Variants in SYT17 observed in about 807,000 individuals in gnomAD.
SYT17 encodes synaptotagmin-17.
In SYT17, 22 loss-of-function variants were observed where a neutral mutation model predicts 46.7. That is an observed-to-expected ratio of 0.47 (90% CI 0.34 to 0.67). SYT17 has a LOEUF of 0.67. Ranked by LOEUF, SYT17 falls within the 30% of genes least tolerant of loss-of-function variation. The pLI, the probability that SYT17 is intolerant of heterozygous loss-of-function variation, is 0.01. For missense variants in SYT17, 519 were observed against 612.8 expected (o/e 0.85, Z 1.62); for synonymous variants, 251 against 248.4 (o/e 1.01, Z -0.10).
intron 3 of SYT17, among the ~76,000 whole-genome samples, chr16:19,176,034 A>G (rs1217154955): frequency 6.6e-6 from 1 of 152,194 alleles, no homozygotes; most frequent in Non-Finnish European, 1.5e-5. Flanking sequence ...TACACCCTGC[A>G]TTCCATATAT....
chr16:19,208,938 G>A (rs1230406104), intron 5 of SYT17, among the ~76,000 whole-genome samples: 2 of 122,154 alleles, frequency 1.6e-5, no homozygotes, highest in African/African-American at 6.6e-5. Context: ...TGTCACCCAG[G>A]CTGGAGTGCA....
chr16:19,262,810 G>A (rs1173508835), intron 7 of SYT17, among the ~76,000 whole-genome samples: 1 of 152,152 alleles, frequency 6.6e-6, no homozygotes, highest in African/African-American at 2.4e-5. Flanking sequence ...ATCACAGTTA[G>A]CACAGACAAG....
At chr16:19,198,981 C>T (rs543646640) in intron 5 of SYT17, among the ~76,000 whole-genome samples, 13 of 152,200 alleles carry the variant, frequency 8.5e-5, no homozygotes, top group South Asian at 2.1e-4. Flanking sequence ...TCTGAGTGGT[C>T]GGTGGGTGGG....
chr16:19,244,053 C>G (rs1314508899), intron 7 of SYT17, among the ~76,000 whole-genome samples: 1 of 152,108 alleles, frequency 6.6e-6, no homozygotes, highest in Non-Finnish European at 1.5e-5. Context: ...TTAGTGGTAG[C>G]TCTTATAATA....
intron 3 of SYT17, among the ~76,000 whole-genome samples, chr16:19,174,052 G>A (rs1261136364): frequency 1.3e-5 from 2 of 152,156 alleles, no homozygotes; most frequent in South Asian, 2.1e-4. Flanking sequence ...ATGGGTAGAC[G>A]GAATGAACAA....
intron 7 of SYT17, among the ~76,000 whole-genome samples, chr16:19,240,941 CTTTTTTTTTTTTTTT>C (rs970503158): frequency 6.1e-5 from 6 of 98,788 alleles, no homozygotes; most frequent in Non-Finnish European, 9.9e-5. Flanking sequence ...AGGCTCAGTT[CTTTTTTTTTTTTTTT>C]TTTTTTTTTG....
chr16:19,194,271 A>G (rs772993654), intron 5 of SYT17, among the ~76,000 whole-genome samples: 1 of 152,134 alleles, frequency 6.6e-6, no homozygotes, highest in South Asian at 2.1e-4. Context: ...AAGAAAATCT[A>G]TAGCTGTCTC....
At position 19,172,635 on chromosome 16, in the gene SYT17, C is replaced by CTTTTT; in HGVS notation, c.16-115_16-111dup. 4.9e-6 allele frequency: 7 copies of CTTTTT among 1,440,226 alleles called. No individual in the cohort carries two copies. The South Asian group carries it at 9.5e-5, about 19-fold the overall frequency. The allele number at this position is 1,440,226 out of a possible 1,614,324, so 89.2% of individuals were successfully genotyped here. A position where few individuals can be genotyped will look rare whatever the true frequency, so the allele number is the denominator to read the frequency against. ...GGATGGTAAGTGGAAATATGCAGGG[C>CTTTTT]TTTTTTTTTTTTTTGTAAAATTTTT... On this transcript the variant is annotated intron_variant, in intron 1 of 7. Coordinates refer to ENST00000355377, the MANE Select transcript of SYT17 (RefSeq NM_016524.4).
intron 7 of SYT17, among the ~76,000 whole-genome samples, chr16:19,227,656 C>T (rs1966544830): frequency 6.6e-6 from 1 of 152,176 alleles, no homozygotes; most frequent in Non-Finnish European, 1.5e-5. Flanking sequence ...CCAGTTCCTT[C>T]TCCCTGAAGT....
chr16:19,173,667 G>T, intron 3 of SYT17, 89 bp downstream of exon 3: 1 of 1,437,852 alleles, frequency 7.0e-7, no homozygotes, highest in East Asian at 2.4e-5. Flanking sequence ...TGGGCCACGG[G>T]AGGGAGGATT....
intron 7 of SYT17, among the ~76,000 whole-genome samples, chr16:19,245,577 G>C (rs963860907): frequency 2.6e-4 from 40 of 152,180 alleles, no homozygotes; most frequent in African/African-American, 9.2e-4. Context: ...ATCATTCCCA[G>C]TGGCTTCTCT....
intron 3 of SYT17, among the ~76,000 whole-genome samples, chr16:19,177,964 A>G (rs1964381616): frequency 6.6e-6 from 1 of 152,218 alleles, no homozygotes; most frequent in African/African-American, 2.4e-5. Context: ...TTACTGGCTT[A>G]GCTGGGGTTC....
Position 19,184,019 on chromosome 16 carries a change from C to T in SYT17, c.823C>T (p.Leu275Phe). 6.2e-7 allele frequency: 1 copy of T among 1,614,142 alleles called. No homozygotes were observed. Among genetic ancestry groups the T allele is most frequent in the South Asian group, 1.1e-5 (1 of 91,076 alleles). Residue 275 changes from leucine (L) to phenylalanine (F), a missense_variant, in exon 5 of 8, where the codon CTC becomes TTC. Physicochemically the swap from Leu to Phe is conservative, Grantham distance 22. Coordinates refer to ENST00000355377, the MANE Select transcript of SYT17 (RefSeq NM_016524.4). ...CCTGGAGGCCCAGAGGAGGACCCTG[C>T]TCCTGACCGTGGTGGATTTTGATAA... ...PFLEAQRRTL[L>F]LTVVDFDKFS...
chr16:19,255,862 G>C (rs748608725), intron 7 of SYT17, among the ~76,000 whole-genome samples: 5 of 152,156 alleles, frequency 3.3e-5, no homozygotes, highest in Non-Finnish European at 7.4e-5. Context: ...TGCTGTAAAT[G>C]GGAGGAGGCA....
At chr16:19,250,359 T>TTGTGTGTGTGTGTGTGTGTGTGTGTG (rs55818940) in intron 7 of SYT17, among the ~76,000 whole-genome samples, 7 of 132,468 alleles carry the variant, frequency 5.3e-5, no homozygotes, top group African/African-American at 1.7e-4. Flanking sequence ...TCAAACATGT[T>TTGTGTGTGTGTGTGTGTGTGTGTGTG]TGTGTGTGTG....
chr16:19,234,514 T>C (rs1596995025), intron 7 of SYT17, among the ~76,000 whole-genome samples: 1 of 152,206 alleles, frequency 6.6e-6, no homozygotes, highest in Non-Finnish European at 1.5e-5. Context: ...TATAAAAAGC[T>C]TTAGAAAGTG....
At chr16:19,210,530 T>A (rs1184265452) in intron 5 of SYT17, among the ~76,000 whole-genome samples, 1 of 150,966 alleles carries the variant, frequency 6.6e-6, no homozygotes, top group Non-Finnish European at 1.5e-5. Flanking sequence ...TCTTAAAGGG[T>A]ATTTCAGAAT....
intron 7 of SYT17, among the ~76,000 whole-genome samples, chr16:19,248,542 C>T (rs62025402): frequency 0.089 from 13,553 of 152,220 alleles, 686 homozygotes; most frequent in Non-Finnish European, 0.1. Flanking sequence ...ACTACTGGGC[C>T]GGGCGTGGTG....
chr16:19,259,164 AT>A (rs765555005), intron 7 of SYT17, among the ~76,000 whole-genome samples: 3 of 152,150 alleles, frequency 2.0e-5, no homozygotes, highest in Non-Finnish European at 4.4e-5. Context: ...GGTGCTGGAG[AT>A]TAAGCGAAAT....
Sources: allele counts gnomAD v4.1 joint callset (sites outside exome capture counted in the v4.1 genomes callset), GRCh38; gene constraint gnomAD v4.1.1; transcripts MANE v1.5; gene names NCBI Gene and HGNC (gene_info 2026-07-23, HGNC 2026-07-21).